Variants in MND1 observed in about 807,000 individuals in gnomAD.
The protein encoded by MND1 is meiotic nuclear divisions 1.
A neutral mutation model predicts 35.1 loss-of-function variants in MND1; 28 were observed. The observed-to-expected ratio is 0.80, with a 90% CI of 0.59 to 1.09. MND1 has a LOEUF of 1.09. Ranked by LOEUF, MND1 falls within the 50% of genes least tolerant of loss-of-function variation. The pLI, the probability that MND1 is intolerant of heterozygous loss-of-function variation, is 0.00. For missense variants in MND1, 213 were observed against 239.6 expected, an observed-to-expected ratio of 0.89 and a Z score of 0.73; for synonymous variants, 69 against 70.5, an observed-to-expected ratio of 0.98 and a Z score of 0.11.
At chr4:153,366,265 C>G (rs79964729) in intron 4 of MND1, among the ~76,000 whole-genome samples, 3,787 of 152,264 alleles carry the variant, frequency 0.025, 64 homozygotes, top group Non-Finnish European at 0.036. Context: ...ATCTCAAGAT[C>G]TTGAATCCCA....
chr4:153,360,739 A>AT (rs1362814042), intron 4 of MND1, among the ~76,000 whole-genome samples: 1 of 149,266 alleles, frequency 6.7e-6, no homozygotes, highest in African/African-American at 2.5e-5. Context: ...CTTTGTGTGT[A>AT]TATGTATATA....
At chr4:153,414,226 C>A (rs1435299910) in intron 7 of MND1, among the ~76,000 whole-genome samples, 2 of 152,098 alleles carry the variant, frequency 1.3e-5, no homozygotes, top group African/African-American at 4.8e-5. Context: ...TAGCAGCAAG[C>A]AGCTTACAGA....
At chr4:153,376,991 G>A (rs1246989395) in intron 4 of MND1, among the ~76,000 whole-genome samples, 3 of 152,138 alleles carry the variant, frequency 2.0e-5, no homozygotes, top group Admixed American at 1.3e-4. Flanking sequence ...TATTAATATG[G>A]CAGCAAGTCT....
intron 4 of MND1, among the ~76,000 whole-genome samples, chr4:153,388,817 C>T (rs1003188242): frequency 2.6e-5 from 4 of 152,134 alleles, no homozygotes; most frequent in Non-Finnish European, 5.9e-5. Flanking sequence ...TCTTATTCTG[C>T]TTCCAAGAAG....
chr4:153,394,413 G>A, intron 5 of MND1, 77 bp downstream of exon 5: 1 of 1,159,924 alleles, frequency 8.6e-7, no homozygotes. Flanking sequence ...CTTCCTGTGA[G>A]GAGGATGCAT....
chr4:153,362,898 G>A (rs1054561331), intron 4 of MND1: 47 of 571,702 alleles, frequency 8.2e-5, no homozygotes, highest in African/African-American at 7.7e-4. Flanking sequence ...CAGTTCCACC[G>A]CCTCATGTTT....
chr4:153,362,353 C>A (rs1283767762), intron 4 of MND1, among the ~76,000 whole-genome samples: 2 of 152,156 alleles, frequency 1.3e-5, no homozygotes, highest in African/African-American at 4.8e-5. Context: ...TGGCACCATT[C>A]CCTCAGTGCT....
intron 1 of MND1, chr4:153,345,594 C>A: frequency 1.1e-6 from 1 of 939,130 alleles, no homozygotes; most frequent in Non-Finnish European, 1.3e-6. Flanking sequence ...TTTTCTGCTT[C>A]AGTTGGCGAA....
chr4:153,400,058 C>T (rs1327563010), intron 6 of MND1, among the ~76,000 whole-genome samples: 1 of 151,812 alleles, frequency 6.6e-6, no homozygotes, highest in Non-Finnish European at 1.5e-5. Flanking sequence ...CATGTCACTA[C>T]ACCCAGCTAG....
At chr4:153,379,849 CAAAAAAAAAA>C (rs34034237) in intron 4 of MND1, among the ~76,000 whole-genome samples, 7 of 62,488 alleles carry the variant, frequency 1.1e-4, no homozygotes, top group African/African-American at 2.8e-4. Flanking sequence ...GACTCCATCT[CAAAAAAAAAA>C]AAAAAAAAAA....
At position 153,369,093 on chromosome 4, in the gene MND1, T is replaced by C. The variant is rs572497161; in HGVS notation, c.276+10471T>C. Reference sequence around the variant, plus strand: ...TCTGCTTCCAAATCCAATCATGTGGTTATTGGATTTAGTTCCTTGCAGGGT... The same window carrying C: ...TCTGCTTCCAAATCCAATCATGTGGCTATTGGATTTAGTTCCTTGCAGGGT... On this transcript the variant is annotated intron_variant, in intron 4 of 7. Transcript: ENST00000240488. 1.5e-4 allele frequency among the ~76,000 whole-genome samples: 23 copies of C among 152,320 alleles called. 1 individual carries two copies. Among genetic ancestry groups the C allele is most frequent in the African/African-American group, 5.5e-4 (23 of 41,576 alleles).
chr4:153,397,949 G>T (rs1729245192), intron 6 of MND1, among the ~76,000 whole-genome samples: 1 of 152,162 alleles, frequency 6.6e-6, no homozygotes, highest in Non-Finnish European at 1.5e-5. Flanking sequence ...AGAGAACTGA[G>T]GAGTTAGTAA....
At chr4:153,349,092 CTCT>C (rs1228559200) in intron 1 of MND1, among the ~76,000 whole-genome samples, 5 of 108,460 alleles carry the variant, frequency 4.6e-5, no homozygotes, top group African/African-American at 2.6e-4. Context: ...ATAGTTCTCA[CTCT>C]TTTTTTTTTT....
chr4:153,353,709 A>G (rs1773275273), intron 2 of MND1, among the ~76,000 whole-genome samples: 1 of 151,838 alleles, frequency 6.6e-6, no homozygotes, highest in South Asian at 2.1e-4. Flanking sequence ...CATAACAATA[A>G]TCAAAATATT....
At chr4:153,358,805 A>G (rs146887736) in intron 4 of MND1, among the ~76,000 whole-genome samples, 183 bp downstream of exon 4, 1 of 152,314 alleles carries the variant, frequency 6.6e-6, no homozygotes, top group East Asian at 1.9e-4. Flanking sequence ...TTTAATTTTC[A>G]TCTTCCCATA....
intron 4 of MND1, among the ~76,000 whole-genome samples, chr4:153,362,268 T>C (rs539882759): frequency 6.6e-6 from 1 of 152,352 alleles, no homozygotes; most frequent in African/African-American, 2.4e-5. Flanking sequence ...TCATGTCAAA[T>C]TGTAATCCCC....
intron 4 of MND1, among the ~76,000 whole-genome samples, chr4:153,387,575 A>G (rs1445202606): frequency 2.6e-5 from 4 of 152,148 alleles, no homozygotes; most frequent in African/African-American, 9.7e-5. Flanking sequence ...CCTGGACAAC[A>G]TAGTGAGACC....
At chr4:153,377,286 ATTTG>A (rs1728537683) in intron 4 of MND1, among the ~76,000 whole-genome samples, 1 of 152,188 alleles carries the variant, frequency 6.6e-6, no homozygotes, top group African/African-American at 2.4e-5. Context: ...CAACTTAAGT[ATTTG>A]TTTTGTTTTG....
At chr4:153,404,446 C>T (rs1291172858) in intron 6 of MND1, among the ~76,000 whole-genome samples, 1 of 150,694 alleles carries the variant, frequency 6.6e-6, no homozygotes, top group Non-Finnish European at 1.5e-5. Flanking sequence ...CCGCCTCAGC[C>T]TCGCAAAGTT....
Sources: allele counts gnomAD v4.1 joint callset (sites outside exome capture counted in the v4.1 genomes callset), GRCh38; gene constraint gnomAD v4.1.1; transcripts MANE v1.5; gene names NCBI Gene and HGNC (gene_info 2026-07-23, HGNC 2026-07-21).